The following KCNMA1 variants were observed in gnomAD, a reference collection of about 807,000 sequenced individuals.
The protein encoded by KCNMA1 is Calcium-activated potassium channel subunit alpha-1.
Under a neutral mutation model 140.0 loss-of-function variants are expected in KCNMA1, and 29 were observed. The ratio of observed to expected loss-of-function variants is 0.21; its 90% CI spans 0.15 to 0.28. The LOEUF is 0.28. Among genes scored for constraint, KCNMA1 ranks in the 10% least tolerant of loss-of-function variants. KCNMA1 has a pLI of 1.00. For synonymous variants in KCNMA1, 612 were observed against 611.9 expected (o/e 1.00, Z 0.00); for missense variants, 880 against 1,602.2 (o/e 0.55, Z 7.70).
chr10:77,489,973 TCAACCCCGGCA>T (rs2098512020), intron 1 of KCNMA1, among the ~76,000 whole-genome samples: 1 of 152,228 alleles, frequency 6.6e-6, no homozygotes, highest in Non-Finnish European at 1.5e-5. Context: ...ACAGAGTTTC[TCAACCCCGGCA>T]CTGTTGACAT....
At chr10:77,142,773 A>C (rs1322868961) in intron 5 of KCNMA1, among the ~76,000 whole-genome samples, 1 of 152,244 alleles carries the variant, frequency 6.6e-6, no homozygotes, top group Non-Finnish European at 1.5e-5. Context: ...CTAAGAGGAT[A>C]ATTTTAAAGT....
intron 5 of KCNMA1, among the ~76,000 whole-genome samples, chr10:77,177,815 C>T (rs1178519855): frequency 1.3e-5 from 2 of 152,146 alleles, no homozygotes; most frequent in South Asian, 4.1e-4. Context: ...CTTGCAATTA[C>T]GGGCTTAATT....
intron 2 of KCNMA1, among the ~76,000 whole-genome samples, chr10:77,280,435 A>C (rs1346450317): frequency 2.6e-5 from 4 of 152,222 alleles, no homozygotes; most frequent in Non-Finnish European, 5.9e-5. Context: ...CTTTGTGGAA[A>C]AAAACAGTTT....
rs1483103874 is a variant in KCNMA1, at chr10:77,383,006, A to G, written c.540+20856T>C. On this transcript the variant is annotated intron_variant, in intron 2 of 27. Transcript: ENST00000286628. ...TGTGTGTGTGTGTGTATATATATAT[A>G]TATATATATATATATATATATATTC... is the stretch of plus-strand genomic sequence containing the variant. Among the ~76,000 whole-genome samples the G allele has an allele frequency of 4.5e-3, 429 of 94,670 alleles. 5 individuals carry two copies. The highest frequency in any genetic ancestry group is 0.023 in the Middle Eastern group (5 of 214). The allele number at this position is 94,670 out of a possible 152,430, so 62.1% of individuals were successfully genotyped here. A position where few individuals can be genotyped will look rare whatever the true frequency, so the allele number is the denominator to read the frequency against.
intron 3 of KCNMA1, among the ~76,000 whole-genome samples, chr10:77,204,418 G>A (rs1033635464): frequency 7.9e-5 from 12 of 152,100 alleles, no homozygotes; most frequent in Non-Finnish European, 2.9e-5. Context: ...CAATTTCTGT[G>A]TCATTAGGCA....
intron 12 of KCNMA1, among the ~76,000 whole-genome samples, chr10:77,081,378 A>G (rs2096562200): frequency 1.3e-5 from 2 of 152,214 alleles, no homozygotes; most frequent in African/African-American, 4.8e-5. Flanking sequence ...TGTCATTACC[A>G]AGTCTGTCAG....
chr10:77,404,273 C>CTATTT (rs1186526596), intron 1 of KCNMA1, among the ~76,000 whole-genome samples: 14 of 151,946 alleles, frequency 9.2e-5, no homozygotes, highest in South Asian at 2.1e-4. Context: ...TTATTCTATT[C>CTATTT]TATTTTATTT....
chr10:76,929,453 G>A (rs919054552), intron 23 of KCNMA1, among the ~76,000 whole-genome samples: 2 of 152,194 alleles, frequency 1.3e-5, no homozygotes, highest in African/African-American at 4.8e-5. Flanking sequence ...CCATGTGGAA[G>A]TTTGTGAATT....
rs138140705 is a variant in KCNMA1, at chr10:77,394,580, C to A, written c.540+9282G>T. Among the ~76,000 whole-genome samples, 1,109 of 152,296 alleles carry A rather than the reference C, an allele frequency of 7.3e-3. 17 individuals carry two copies. Among genetic ancestry groups the A allele is most frequent in the African/African-American group, 0.025 (1,053 of 41,562 alleles). On this transcript the variant is annotated intron_variant, in intron 2 of 27. Coordinates refer to ENST00000286628, the MANE Select transcript of KCNMA1 (RefSeq NM_001161352.2). ...TCTCAGACATATTCTCCTGACCTTG[C>A]GAAGTGGAAATCCATATGTTCACCC... is the stretch of plus-strand genomic sequence containing the variant.
At chr10:77,165,569 A>C (rs903545542) in intron 5 of KCNMA1, among the ~76,000 whole-genome samples, 3 of 152,252 alleles carry the variant, frequency 2.0e-5, no homozygotes, top group African/African-American at 7.2e-5. Flanking sequence ...AATTGAAGAC[A>C]GTCCTTTATT....
At chr10:76,877,936 A>AGTT (rs773908939) in intron 29 of KCNMA1, 1 of 1,566,960 alleles carries the variant, frequency 6.4e-7, no homozygotes, top group Non-Finnish European at 8.7e-7. Context: ...AGAAATGAGA[A>AGTT]GTTTAATTAG....
At chr10:77,155,136 C>G (rs1353003826) in intron 5 of KCNMA1, among the ~76,000 whole-genome samples, 1 of 152,104 alleles carries the variant, frequency 6.6e-6, no homozygotes, top group African/African-American at 2.4e-5. Context: ...TCTTGGTTTC[C>G]ATCTAAGAAG....
intron 3 of KCNMA1, among the ~76,000 whole-genome samples, chr10:77,186,296 G>C (rs532564160): frequency 6.6e-6 from 1 of 151,136 alleles, no homozygotes; most frequent in East Asian, 2.0e-4. Flanking sequence ...CAAGCATTAA[G>C]AGTAACCTTT....
At chr10:77,094,415 G>A (rs1297726426) in intron 9 of KCNMA1, among the ~76,000 whole-genome samples, 1 of 152,132 alleles carries the variant, frequency 6.6e-6, no homozygotes, top group Non-Finnish European at 1.5e-5. Context: ...TGGACCCACA[G>A]AGGTCCTCCT....
chr10:77,315,288 T>C (rs977859500), intron 2 of KCNMA1, among the ~76,000 whole-genome samples: 2 of 152,218 alleles, frequency 1.3e-5, no homozygotes, highest in African/African-American at 4.8e-5. Context: ...CACAAAGGAA[T>C]GGTCACAGTT....
intron 1 of KCNMA1, among the ~76,000 whole-genome samples, chr10:77,515,925 T>C (rs2050234940): frequency 1.3e-5 from 2 of 152,122 alleles, no homozygotes; most frequent in African/African-American, 4.8e-5. Flanking sequence ...AGGGAGCTCC[T>C]CAAGAGAAGG....
At chr10:77,349,303 G>A (rs1416697095) in intron 2 of KCNMA1, among the ~76,000 whole-genome samples, 5 of 152,212 alleles carry the variant, frequency 3.3e-5, no homozygotes, top group Middle Eastern at 3.4e-3. Context: ...ACCAGACAGC[G>A]GGCCCTCACC....
intron 19 of KCNMA1, among the ~76,000 whole-genome samples, chr10:77,000,787 T>C (rs1349190737): frequency 2.1e-5 from 3 of 146,234 alleles, no homozygotes; most frequent in Non-Finnish European, 4.5e-5. Flanking sequence ...GAAAACTCGT[T>C]TCCAGAACAA....
intron 1 of KCNMA1, among the ~76,000 whole-genome samples, chr10:77,557,549 G>GAT (rs975175820): frequency 9.9e-5 from 15 of 151,902 alleles, no homozygotes; most frequent in African/African-American, 3.4e-4. Flanking sequence ...ATGAACAGAG[G>GAT]ATATATATAT....
Sources: gnomAD v4.1 joint callset for allele counts (sites outside exome capture counted in the v4.1 genomes callset) on GRCh38, gnomAD v4.1.1 for gene constraint, MANE v1.5 for transcripts, NCBI Gene and HGNC (gene_info 2026-07-23, HGNC 2026-07-21) for gene names.